Variants in DOCK10 observed in about 807,000 individuals in gnomAD.
DOCK10 encodes the protein dedicator of cytokinesis 10, also known as dedicator of cytokinesis protein 10.
A neutral mutation model predicts 280.1 loss-of-function variants in DOCK10; 145 were observed. That is an observed-to-expected ratio of 0.52 (90% CI 0.45 to 0.59). DOCK10 has a LOEUF of 0.59. Ranked by LOEUF, DOCK10 falls within the 20% of genes least tolerant of loss-of-function variation. The pLI, the probability that DOCK10 is intolerant of heterozygous loss-of-function variation, is 0.00. For missense variants in DOCK10, 2,368 were observed against 2,651.7 expected, an observed-to-expected ratio of 0.89 and a Z score of 2.35; for synonymous variants, 915 against 942.2, an observed-to-expected ratio of 0.97 and a Z score of 0.53.
intron 14 of DOCK10, among the ~76,000 whole-genome samples, chr2:224,857,968 C>A (rs1295032226): frequency 6.6e-6 from 1 of 152,120 alleles, no homozygotes; most frequent in Non-Finnish European, 1.5e-5. Flanking sequence ...TAGACTCCTT[C>A]AACTTGCCTC....
intron 39 of DOCK10, among the ~76,000 whole-genome samples, chr2:224,803,691 C>CA (rs1261211808): frequency 6.6e-6 from 1 of 152,034 alleles, no homozygotes. Context: ...AAGAACATTG[C>CA]AAAAAATTAT....
At position 225,024,409 on chromosome 2, in the gene DOCK10, A is replaced by G. The variant is rs375269832; in HGVS notation, c.123+17843T>C. 2.0e-4 allele frequency among the ~76,000 whole-genome samples: 30 copies of G among 152,340 alleles called. 2 individuals are homozygous for G. In the South Asian group the frequency reaches 6.2e-3, roughly 32 times the overall value. ...AATTTATTCACAGATGTTTAAAAAG[A>G]AATAGTATTCTTTGTATGTGTAGAG... On this transcript the variant is annotated intron_variant, in intron 1 of 55. Coordinates refer to ENST00000258390, the MANE Select transcript of DOCK10 (RefSeq NM_014689.3).
At chr2:224,854,692 T>C (rs1432156124) in intron 16 of DOCK10, among the ~76,000 whole-genome samples, 1 of 152,154 alleles carries the variant, frequency 6.6e-6, no homozygotes, top group African/African-American at 2.4e-5. Context: ...GCATACCAGG[T>C]AAGTAAGTGT....
At chr2:225,016,654 TACATAGATACATATATCTATGTGC>T (rs1360304676) in intron 1 of DOCK10, among the ~76,000 whole-genome samples, 1 of 6,280 alleles carries the variant, frequency 1.6e-4, no homozygotes, top group Non-Finnish European at 3.4e-4. Context: ...TGCACATAGA[TACATAGATACATATATCTATGTGC>T]ACATAGATAT....
chr2:224,982,551 G>C, intron 1 of DOCK10: 1 of 1,214,028 alleles, frequency 8.2e-7, no homozygotes, highest in Non-Finnish European at 1.0e-6. Flanking sequence ...GGAAAGATTT[G>C]ATCCACGGAA....
Position 224,948,550 on chromosome 2 carries a change from A to G in DOCK10, c.124-16882T>C, listed in dbSNP as rs545277199. On this transcript the variant is annotated intron_variant, in intron 1 of 55. Coordinates refer to ENST00000258390, the MANE Select transcript of DOCK10 (RefSeq NM_014689.3). ...TCTTCAGATTTATTATTTTTTCCTTATATGGTGTGATGAGAGTCTGACTCT... is the reference window on the plus strand; with the variant it reads ...TCTTCAGATTTATTATTTTTTCCTTGTATGGTGTGATGAGAGTCTGACTCT... Among the ~76,000 whole-genome samples, 13 of 152,252 alleles carry G rather than the reference A, an allele frequency of 8.5e-5. 1 individual carries two copies. The highest frequency in any genetic ancestry group is 3.1e-4 in the African/African-American group (13 of 41,526).
In DOCK10 at chr2:224,795,692, C is replaced by G. The variant is rs114282790; in HGVS notation, c.4939-598G>C. Among the ~76,000 whole-genome samples the G allele has an allele frequency of 4.4e-3, 665 of 152,234 alleles. 3 individuals carry two copies. The highest frequency in any genetic ancestry group is 0.015 in the African/African-American group (627 of 41,528). On this transcript the variant is annotated intron_variant, in intron 44 of 55. Coordinates refer to ENST00000258390, the MANE Select transcript of DOCK10 (RefSeq NM_014689.3). ...TGACAGACAGTGAGAGAGGCAAGAT[C>G]GAGGCAGTAGAGGGATGGGTCTGAA...
In DOCK10 at chr2:224,845,111, A is replaced by C. The variant is rs1001259367; in HGVS notation, c.2481+92T>G. ...ATTCATAGCTACAAGGGACATGTCC[A>C]CTATGATCTTAAGTAGCAGAGAAAG... On this transcript the variant is annotated intron_variant, in intron 21 of 55. Coordinates refer to ENST00000258390, the MANE Select transcript of DOCK10 (RefSeq NM_014689.3). The C allele has an allele frequency of 1.8e-4, 239 of 1,307,656 alleles. No individual in the cohort carries two copies. The Middle Eastern group carries it at 2.4e-3, about 13-fold the overall frequency. 81.0% of individuals were successfully genotyped at this position (1,307,656 alleles called of 1,614,324 possible). A position where few individuals can be genotyped will look rare whatever the true frequency, so the allele number is the denominator to read the frequency against.
intron 1 of DOCK10, among the ~76,000 whole-genome samples, chr2:225,035,783 C>T (rs1475604383): frequency 6.6e-6 from 1 of 151,198 alleles, no homozygotes; most frequent in Non-Finnish European, 1.5e-5. Flanking sequence ...ATGGTGCTAA[C>T]ATGGTTGGGT....
At chr2:224,897,529 C>T (rs972621840) in intron 3 of DOCK10, among the ~76,000 whole-genome samples, 3 of 152,054 alleles carry the variant, frequency 2.0e-5, no homozygotes, top group Non-Finnish European at 1.5e-5. Flanking sequence ...TTTTGGTACC[C>T]ATTAGCCATC....
chr2:224,935,315 C>T (rs961370810), intron 1 of DOCK10, among the ~76,000 whole-genome samples: 3 of 152,158 alleles, frequency 2.0e-5, no homozygotes, highest in Admixed American at 6.5e-5. Flanking sequence ...AGAAAATAAG[C>T]ATTTGAAGTA....
chr2:224,922,937 C>CTG (rs1451811074), intron 2 of DOCK10, among the ~76,000 whole-genome samples: 1 of 152,152 alleles, frequency 6.6e-6, no homozygotes, highest in East Asian at 1.9e-4. Context: ...ATTAATGACC[C>CTG]TCAGCATGTG....
intron 1 of DOCK10, among the ~76,000 whole-genome samples, chr2:225,013,319 A>C (rs968410127): frequency 6.6e-6 from 1 of 152,180 alleles, no homozygotes; most frequent in Non-Finnish European, 1.5e-5. Context: ...AAATCTCCTG[A>C]CTATAAAGGT....
Position 224,787,334 on chromosome 2 carries a change from G to T in DOCK10, c.5482C>A (p.Leu1828Ile). ...EFLWKSERYE[L>I]IADVNKPIIA... Reference sequence around the variant, plus strand: ...ATGGGCTTGTTGACATCAGCAATGAGTTCATATCGCTCAGACTTCCAGAGA... The same window carrying T: ...ATGGGCTTGTTGACATCAGCAATGATTTCATATCGCTCAGACTTCCAGAGA... Residue 1828 changes from leucine to isoleucine, a missense_variant, in exon 49 of 56, where the codon CTC (leucine) becomes ATC (isoleucine). Coordinates refer to ENST00000258390, the MANE Select transcript of DOCK10 (RefSeq NM_014689.3). 6.2e-7 allele frequency: 1 copy of T among 1,613,954 alleles called. No homozygotes were observed. The highest frequency in any genetic ancestry group is 1.1e-5 in the South Asian group (1 of 91,080).
intron 3 of DOCK10, among the ~76,000 whole-genome samples, chr2:224,898,241 G>A (rs1700096550): frequency 6.6e-6 from 1 of 152,140 alleles, no homozygotes; most frequent in South Asian, 2.1e-4. Flanking sequence ...GGGCTGTTCT[G>A]GATTTTTCTG....
chr2:225,012,586 C>T (rs1393472976), intron 1 of DOCK10, among the ~76,000 whole-genome samples: 1 of 152,126 alleles, frequency 6.6e-6, no homozygotes, highest in Non-Finnish European at 1.5e-5. Context: ...AAATTGGCTT[C>T]TCCATCAGAT....
At chr2:224,954,307 T>C (rs1703924201) in intron 1 of DOCK10, among the ~76,000 whole-genome samples, 1 of 152,178 alleles carries the variant, frequency 6.6e-6, no homozygotes, top group Non-Finnish European at 1.5e-5. Flanking sequence ...GAGATATCCA[T>C]TTCCAGAAAA....
At chr2:224,824,969 C>G (rs1372342409) in intron 27 of DOCK10, among the ~76,000 whole-genome samples, 1 of 147,350 alleles carries the variant, frequency 6.8e-6, no homozygotes, top group Non-Finnish European at 1.5e-5. Context: ...CTGGTTTAGG[C>G]TGGCTTCTAT....
At chr2:224,907,348 G>T (rs1489577548) in intron 3 of DOCK10, among the ~76,000 whole-genome samples, 1 of 152,130 alleles carries the variant, frequency 6.6e-6, no homozygotes, top group Non-Finnish European at 1.5e-5. Flanking sequence ...AGAATTGCAT[G>T]ACCTCCCTGA....
Sources: allele counts gnomAD v4.1 joint callset (sites outside exome capture counted in the v4.1 genomes callset), GRCh38; gene constraint gnomAD v4.1.1; transcripts MANE v1.5; gene names NCBI Gene and HGNC (gene_info 2026-07-23, HGNC 2026-07-21).